Variants in RUNX3 observed in about 807,000 individuals in gnomAD.
RUNX3 encodes the protein runt-related transcription factor 3.
A neutral mutation model predicts 27.7 loss-of-function variants in RUNX3; 10 were observed. That is an observed-to-expected ratio of 0.36 (90% CI 0.22 to 0.61). RUNX3 has a LOEUF of 0.61. Among genes scored for constraint, RUNX3 ranks in the 20% least tolerant of loss-of-function variants. RUNX3 has a pLI of 0.72. For missense variants in RUNX3, 469 were observed against 629.5 expected (o/e 0.75, Z 2.73); for synonymous variants, 270 against 269.2 (o/e 1.00, Z -0.03).
chr1:24,902,698 GC>G lies in RUNX3; in HGVS notation c.704-33del. The G allele has an allele frequency of 6.7e-7, 1 of 1,495,200 alleles. No individual in the cohort carries two copies. The highest frequency in any genetic ancestry group is 8.9e-7 in the Non-Finnish European group (1 of 1,118,544). 92.6% of individuals were successfully genotyped at this position (1,495,200 alleles called of 1,614,324 possible). ...GACAGCAGGGAAGAGGTCAGTTCCA[GC>G]TCGAGACAACCCCAGGAGGGCTTCC... On this transcript the variant is annotated intron_variant, in intron 4 of 4. Coordinates refer to ENST00000308873, the MANE Select transcript of RUNX3 (RefSeq NM_004350.3). The surrounding 1 kb of genome is among the most constrained non-coding windows in gnomAD (Gnocchi z 9.2).
intron 2 of RUNX3, among the ~76,000 whole-genome samples, chr1:24,944,042 G>A (rs1244236925): frequency 6.6e-6 from 1 of 152,094 alleles, no homozygotes; most frequent in Non-Finnish European, 1.5e-5. Flanking sequence ...AAACATTAGC[G>A]ACTTAGCCCT....
chr1:24,922,450 A>C lies in RUNX3; in HGVS notation c.440-3106T>G, dbSNP rs899998881. ...TCTCAAGTACGAGCGTAGGCAACAAACCACAGAGGTATTATCAGCCGTACC... is the reference window on the plus strand; with the variant it reads ...TCTCAAGTACGAGCGTAGGCAACAACCCACAGAGGTATTATCAGCCGTACC... On this transcript the variant is annotated intron_variant, in intron 2 of 4. Coordinates refer to ENST00000308873, the MANE Select transcript of RUNX3 (RefSeq NM_004350.3). Among the ~76,000 whole-genome samples the C allele has an allele frequency of 9.9e-5, 15 of 152,010 alleles. No homozygotes were observed. The South Asian group carries it at 3.1e-3, about 32-fold the overall frequency.
At chr1:24,903,617 C>T (rs1409195545) in intron 4 of RUNX3, among the ~76,000 whole-genome samples, 1 of 152,206 alleles carries the variant, frequency 6.6e-6, no homozygotes, top group Non-Finnish European at 1.5e-5. Context: ...GAGTCTAACA[C>T]CCTTGATGGG....
At chr1:24,958,687 C>T (rs544423060) in intron 2 of RUNX3, among the ~76,000 whole-genome samples, 1 of 152,334 alleles carries the variant, frequency 6.6e-6, no homozygotes, top group East Asian at 1.9e-4. Flanking sequence ...CCCCTCCCTT[C>T]CTTCCTTCCT....
chr1:24,902,401 G>C lies in RUNX3; in HGVS notation c.969C>G (p.Phe323Leu). The C allele has an allele frequency of 1.2e-6, 2 of 1,612,886 alleles. No homozygotes were observed. Among genetic ancestry groups the C allele is most frequent in the Non-Finnish European group, 1.7e-6 (2 of 1,179,874 alleles). The change falls in exon 5 of 5, where the codon TTC becomes TTG. Residue 323 changes from phenylalanine (F) to leucine (L), a missense_variant. Transcript: ENST00000308873. This position sits in a 1 kb window ranked among gnomAD's most constrained non-coding sequence, Gnocchi z 9.2. The part of the protein sequence containing the change: ...PGAPQNQSGP[F>L]QANPSPYHLY... ...GGTGGTAGGGGGACGGGTTGGCCTG[G>C]AAGGGCCCGCTCTGGTTCTGCGGGG...
intron 2 of RUNX3, among the ~76,000 whole-genome samples, chr1:24,953,151 G>A (rs1449324001): frequency 6.6e-6 from 1 of 152,008 alleles, no homozygotes; most frequent in Non-Finnish European, 1.5e-5. Context: ...CGGATCACGA[G>A]GTCAGGAGAT....
At chr1:24,913,849 C>A (rs1464012420) in intron 3 of RUNX3, among the ~76,000 whole-genome samples, 1 of 152,156 alleles carries the variant, frequency 6.6e-6, no homozygotes, top group Middle Eastern at 3.2e-3. Context: ...GGGTTACCCC[C>A]TTGCCTCCAT....
At chr1:24,957,993 C>A (rs1390910358) in intron 2 of RUNX3, among the ~76,000 whole-genome samples, 3 of 152,330 alleles carry the variant, frequency 2.0e-5, no homozygotes, top group African/African-American at 7.2e-5. Flanking sequence ...CCTGCTCAGC[C>A]CTCTCTAGCC....
chr1:24,964,905 T>C, exon 1 of RUNX3: 2 of 377,656 alleles, frequency 5.3e-6, no homozygotes, highest in Non-Finnish European at 9.7e-6. Context: ...GTATGCAGAG[T>C]GTATCATTAG....
upstream of RUNX3, among the ~76,000 whole-genome samples, chr1:24,934,818 A>C (rs917233871): frequency 2.0e-5 from 3 of 152,080 alleles, no homozygotes; most frequent in African/African-American, 7.2e-5. Context: ...CTAGATACAG[A>C]GGAAAGAGCT....
intron 3 of RUNX3, among the ~76,000 whole-genome samples, chr1:24,914,558 G>A (rs1203356939): frequency 6.6e-6 from 1 of 152,212 alleles, no homozygotes; most frequent in Non-Finnish European, 1.5e-5. Flanking sequence ...CGGGCAGGGA[G>A]GCGAGCGGTT....
chr1:24,956,577 C>T (rs550795385), intron 2 of RUNX3, among the ~76,000 whole-genome samples: 1 of 152,176 alleles, frequency 6.6e-6, no homozygotes, highest in Non-Finnish European at 1.5e-5. Flanking sequence ...TTCTCCACCC[C>T]CCCTGGACCT....
chr1:24,953,402 G>GA (rs553316885), intron 2 of RUNX3, among the ~76,000 whole-genome samples: 4,374 of 70,252 alleles, frequency 0.062, 79 homozygotes, highest in African/African-American at 0.11. Flanking sequence ...AAAGAAAAAT[G>GA]AAAAAAAAAA....
rs931037563 is a variant in RUNX3 at position 24,927,307 on chromosome 1, G to C, written c.439+267C>G. On this transcript the variant is annotated intron_variant, in intron 2 of 4. Coordinates refer to ENST00000308873, the MANE Select transcript of RUNX3 (RefSeq NM_004350.3). The surrounding 1 kb of genome is among the most constrained non-coding windows in gnomAD (Gnocchi z 5.0). ...TTTGTGAGACCAGGTGTGCTTAACC[G>C]GGAAAGAGGGGGTGGCATGAACGGT... Among the ~76,000 whole-genome samples the C allele has an allele frequency of 2.0e-5, 3 of 152,126 alleles. No homozygotes were observed.
intron 2 of RUNX3, among the ~76,000 whole-genome samples, chr1:24,944,643 G>A (rs1489525560): frequency 6.6e-6 from 1 of 152,206 alleles, no homozygotes; most frequent in African/African-American, 2.4e-5. Context: ...AAGGACAGTC[G>A]GAGGGAGATG....
chr1:24,930,127 C>A lies in RUNX3; in HGVS notation c.-259G>T. ...CCTCGGCGCGCGGCCCCGCGTGCGG[C>A]CGCCCCTCGTGGCTGTCCCGGCTGC... On this transcript the variant is annotated 5_prime_UTR_variant, in exon 1 of 5. Transcript: ENST00000308873. The surrounding 1 kb of genome is among the most constrained non-coding windows in gnomAD (Gnocchi z 4.1). 7 of 979,450 alleles carry A rather than the reference C, an allele frequency of 7.1e-6. No individual in the cohort carries two copies. Among genetic ancestry groups the A allele is most frequent in the Non-Finnish European group, 8.5e-6 (7 of 827,632 alleles). The allele number at this position is 979,450 out of a possible 1,614,324, so 60.7% of individuals were successfully genotyped here.
intron 2 of RUNX3, among the ~76,000 whole-genome samples, chr1:24,953,551 G>GCT (rs1557860065): frequency 6.6e-6 from 1 of 152,148 alleles, no homozygotes; most frequent in African/African-American, 2.4e-5. Flanking sequence ...CGTTTCAAGC[G>GCT]CTCGGGATTC....
chr1:24,964,537 G>A (rs1326547550), exon 2 of RUNX3: 1 of 1,612,106 alleles, frequency 6.2e-7, no homozygotes, highest in Non-Finnish European at 8.5e-7. Context: ...CGGCGAGTAG[G>A]TCGGGAAGGA....
rs911389539 is a variant in RUNX3, at chr1:24,953,994, C to A, written c.58+10520G>T. Among the ~76,000 whole-genome samples, 11 of 152,300 alleles carry A rather than the reference C, an allele frequency of 7.2e-5. No homozygotes were observed. The South Asian group carries it at 2.3e-3, about 32-fold the overall frequency. On this transcript the variant is annotated intron_variant, in intron 2 of 6. Transcript: ENST00000338888. ...GTGGCACGATCATAGTTCACTGCAG[C>A]CTTCACCTCTTGAGCTCAAGTTATC...
Sources: gnomAD v4.1 joint callset for allele counts (sites outside exome capture counted in the v4.1 genomes callset) on GRCh38, gnomAD v4.1.1 for gene constraint, Gnocchi (gnomAD v3.1) non-coding constraint, MANE v1.5 for transcripts, NCBI Gene and HGNC (gene_info 2026-07-23, HGNC 2026-07-21) for gene names.